The following POLG2 variants were observed in gnomAD, a reference collection of about 807,000 sequenced individuals.
The protein encoded by POLG2 is DNA polymerase gamma 2, accessory subunit, also known as DNA polymerase subunit gamma-2.
Under a neutral mutation model 56.5 loss-of-function variants are expected in POLG2, and 50 were observed. The observed-to-expected ratio is 0.88, with a 90% CI of 0.71 to 1.12. The LOEUF is 1.12. Among genes scored for constraint, POLG2 ranks in the 50% most tolerant of loss-of-function variants. The pLI is 0.00. For synonymous variants in POLG2, 226 were observed against 222.6 expected (o/e 1.02, Z -0.14); for missense variants, 584 against 583.3 (o/e 1.00, Z -0.01).
rs2037796753 is a variant in POLG2 at position 64,478,049 on chromosome 17, G to A, written c.1293-61C>T. On this transcript the variant is annotated intron_variant, in intron 7 of 7. Coordinates refer to ENST00000539111, the MANE Select transcript of POLG2 (RefSeq NM_007215.4). The stretch of plus-strand genomic sequence containing the variant: ...AAATGTAAATAATAAATTCCTCCAC[G>A]TTGCCAGCTGTAATTCAGTGTTCAT... The A allele has an allele frequency of 6.4e-6, 10 of 1,554,706 alleles. No homozygotes were observed. In the East Asian group the frequency reaches 9.0e-5, roughly 14 times the overall value.
rs2038084367 is a variant in POLG2, at chr17:64,492,792, C to T, written c.690-20G>A. 7 of 1,598,554 alleles carry T rather than the reference C, an allele frequency of 4.4e-6. No homozygotes were observed. In the African/African-American group the frequency reaches 9.4e-5, roughly 21 times the overall value. The stretch of plus-strand genomic sequence containing the variant: ...CCAATACTTTAGATATAAAACGTAT[C>T]AGGAAGTTAGCTTATCTGAAAATTA... On this transcript the variant is annotated intron_variant, in intron 2 of 7. Transcript: ENST00000539111.
chr17:64,492,588 G>A (rs900203163), intron 3 of POLG2, 79 bp downstream of exon 3: 1 of 780,938 alleles, frequency 1.3e-6, no homozygotes, highest in Non-Finnish European at 2.2e-6. Context: ...ATAATTTCTT[G>A]TATGTCAGAA....
chr17:64,493,933 T>C (rs2038107687), intron 1 of POLG2, among the ~76,000 whole-genome samples: 1 of 152,182 alleles, frequency 6.6e-6, no homozygotes, highest in Non-Finnish European at 1.5e-5. Flanking sequence ...GCATACATCT[T>C]CTAAAAATAA....
At chr17:64,483,114 T>C in intron 5 of POLG2, 115 bp from the exon 6 acceptor site, 1 of 602,730 alleles carries the variant, frequency 1.7e-6, no homozygotes, top group Non-Finnish European at 3.0e-6. Flanking sequence ...TTCTTAACAG[T>C]TATAATTTTC....
At chr17:64,494,514 A>G (rs1598136605) in intron 1 of POLG2, among the ~76,000 whole-genome samples, 1 of 152,160 alleles carries the variant, frequency 6.6e-6, no homozygotes, top group East Asian at 1.9e-4. Flanking sequence ...GAATTTTCTA[A>G]TGTATCTTTC....
intron 4 of POLG2, among the ~76,000 whole-genome samples, chr17:64,486,379 C>CTTTTTTTTTTTTTTTTTTTTTTTTG: frequency 6.8e-6 from 1 of 146,782 alleles, no homozygotes; most frequent in South Asian, 2.2e-4. Flanking sequence ...TTTTTTAATA[C>CTTTTTTTTTTTTTTTTTTTTTTTTG]AGACAGAGTC....
intron 1 of POLG2, among the ~76,000 whole-genome samples, chr17:64,494,223 G>T (rs1363733454): frequency 6.6e-6 from 1 of 152,136 alleles, no homozygotes; most frequent in East Asian, 1.9e-4. Flanking sequence ...TCACATTTGG[G>T]ATTTGTCTGA....
chr17:64,491,633 G>A lies in POLG2; in HGVS notation c.796-664C>T, dbSNP rs7217477. 7,293 of 1,496,860 alleles carry A rather than the reference G, an allele frequency of 4.9e-3. 284 individuals carry two copies. In the African/African-American group the frequency reaches 0.09, roughly 18 times the overall value. The allele number at this position is 1,496,860 out of a possible 1,614,324, so 92.7% of individuals were successfully genotyped here. A position where few individuals can be genotyped will look rare whatever the true frequency, so the allele number is the denominator to read the frequency against. On this transcript the variant is annotated intron_variant, in intron 3 of 7. Coordinates refer to ENST00000539111, the MANE Select transcript of POLG2 (RefSeq NM_007215.4). ...TCAGCCCTAGTGGCCTTGATGGAGCGTTTCAAAGAGGTTACTACTGGTACT... is the reference window on the plus strand; with the variant it reads ...TCAGCCCTAGTGGCCTTGATGGAGCATTTCAAAGAGGTTACTACTGGTACT...
At chr17:64,492,360 A>C (rs8078621) in intron 3 of POLG2, among the ~76,000 whole-genome samples, 1 of 152,066 alleles carries the variant, frequency 6.6e-6, no homozygotes, top group African/African-American at 2.4e-5. Context: ...AGGTAGCAAA[A>C]GCTGAAGCTG....
rs1237059626 is a variant in POLG2 at position 64,492,886 on chromosome 17, T to A, written c.689+9A>T. ...AATACAAGGCCAAGTTATTTGCCAC[T>A]TTTTATACCTTTTAACACCATTTCG... On this transcript the variant is annotated intron_variant, in intron 2 of 7. Coordinates refer to ENST00000539111, the MANE Select transcript of POLG2 (RefSeq NM_007215.4). 2.5e-6 allele frequency: 4 copies of A among 1,614,056 alleles called. No individual in the cohort carries two copies. The highest frequency in any genetic ancestry group is 3.4e-6 in the Non-Finnish European group (4 of 1,179,888).
rs138418765 is a variant in POLG2, at chr17:64,497,038, A to G, written c.-70T>C. On this transcript the variant is annotated 5_prime_UTR_variant, in exon 1 of 8. Coordinates refer to ENST00000539111, the MANE Select transcript of POLG2 (RefSeq NM_007215.4). ...TCCCAACAAGCCACCACTACCGTTAACAGAATCCGGAGAGGCCACGGCGCA... is the reference window on the plus strand; with the variant it reads ...TCCCAACAAGCCACCACTACCGTTAGCAGAATCCGGAGAGGCCACGGCGCA... 1.5e-4 allele frequency: 225 copies of G among 1,486,610 alleles called. No homozygotes were observed. The East Asian group carries it at 5.0e-3, about 33-fold the overall frequency. The allele number at this position is 1,486,610 out of a possible 1,614,324, so 92.1% of individuals were successfully genotyped here.
At chr17:64,481,665 G>A (rs2037858416) in intron 6 of POLG2, among the ~76,000 whole-genome samples, 1 of 152,096 alleles carries the variant, frequency 6.6e-6, no homozygotes, top group Non-Finnish European at 1.5e-5. Flanking sequence ...TTGAGGTCAG[G>A]AGTTGGAGAC....
At chr17:64,479,731 AG>A (rs2037826324) in intron 7 of POLG2, among the ~76,000 whole-genome samples, 1 of 152,210 alleles carries the variant, frequency 6.6e-6, no homozygotes, top group Non-Finnish European at 1.5e-5. Flanking sequence ...GTGGCAGCGA[AG>A]ACAGAGATGG....
At position 64,485,856 on chromosome 17, in the gene POLG2, G is replaced by A. The variant is rs782472762; in HGVS notation, c.982C>T (p.Arg328Ter). 32 of 1,613,756 alleles carry A rather than the reference G, an allele frequency of 2.0e-5. No homozygotes were observed. Among genetic ancestry groups the A allele is most frequent in the Non-Finnish European group, 2.5e-5 (30 of 1,179,858 alleles). ...AGAACACAAGGAACCACATTTTTTC[G>A]TCCATCTCGGCCCTTCACAGAAAAA... The part of the protein sequence containing the change: ...NVSKLHGRDG[R>*]KNVVPCVLSV... The change falls in exon 5 of 8, where the codon CGA (arginine) becomes TGA (stop). Residue 328 changes from arginine to a stop codon, truncating the protein, a stop_gained. Coordinates refer to ENST00000539111, the MANE Select transcript of POLG2 (RefSeq NM_007215.4). LOFTEE classifies it high-confidence loss of function.
chr17:64,487,596 A>G (rs913175260), intron 4 of POLG2: 14 of 145,258 alleles, frequency 9.6e-5, no homozygotes, highest in African/African-American at 3.5e-4. Flanking sequence ...CCTGGGTGAC[A>G]GAGTGAGACA....
intron 4 of POLG2, among the ~76,000 whole-genome samples, chr17:64,486,374 T>A (rs75973792): frequency 4.0e-5 from 6 of 150,516 alleles, no homozygotes; most frequent in Non-Finnish European, 8.9e-5. Context: ...TTTTTTTTTT[T>A]AATACAGACA....
At chr17:64,488,493 A>G (rs1226221079) in intron 4 of POLG2, among the ~76,000 whole-genome samples, 3 of 152,200 alleles carry the variant, frequency 2.0e-5, no homozygotes, top group African/African-American at 7.2e-5. Context: ...GCTTGAGCCC[A>G]GGAATTCAAG....
chr17:64,490,592 G>A, intron 4 of POLG2: 1 of 579,978 alleles, frequency 1.7e-6, no homozygotes, highest in Admixed American at 2.9e-5. Flanking sequence ...AGTTCAATTT[G>A]TAGGGCTCTG....
At chr17:64,491,804 G>T in intron 3 of POLG2, 1 of 518,910 alleles carries the variant, frequency 1.9e-6, no homozygotes, top group South Asian at 1.8e-5. Context: ...GACATGCTCT[G>T]CACTCCCCCA....
Sources: gnomAD v4.1 joint callset for allele counts (sites outside exome capture counted in the v4.1 genomes callset) on GRCh38, gnomAD v4.1.1 for gene constraint, MANE v1.5 for transcripts, NCBI Gene and HGNC (gene_info 2026-07-23, HGNC 2026-07-21) for gene names.